The following ZPR1 variants were observed in gnomAD, a reference collection of about 807,000 sequenced individuals.
The protein encoded by ZPR1 is ZPR1 zinc finger, also known as zinc finger protein ZPR1.
A neutral mutation model predicts 59.6 loss-of-function variants in ZPR1; 37 were observed. That is an observed-to-expected ratio of 0.62 (90% CI 0.48 to 0.82). ZPR1 has a LOEUF of 0.82. ZPR1 is among the 40% of genes least tolerant of loss of function. The probability of loss-of-function intolerance (pLI) is 0.00; values close to 1 mark genes in which losing one functional copy is unlikely to be tolerated. For synonymous variants in ZPR1, 191 were observed against 215.2 expected, an observed-to-expected ratio of 0.89 and a Z score of 0.99; for missense variants, 527 against 579.9, an observed-to-expected ratio of 0.91 and a Z score of 0.94.
Position 116,785,816 on chromosome 11 carries a change from C to T in ZPR1, c.562G>A (p.Val188Ile), listed in dbSNP as rs1565322230. 6.2e-7 allele frequency: 1 copy of T among 1,614,238 alleles called. No homozygotes were observed. The highest frequency in any genetic ancestry group is 1.7e-5 in the Admixed American group (1 of 60,024). Reference protein sequence around the residue: ...FIVKLKELKQVASPFTLIIDD... With the variant: ...FIVKLKELKQIASPFTLIIDD... ...CTCACCAGAGTGAAAGGGGAGGCTA[C>T]TTGCTTTAGCTCCTTCAGTTTGACA... Residue 188 changes from valine to isoleucine, a missense_variant, in exon 5 of 14, where the codon GTA becomes ATA. Physicochemically the swap from Val to Ile is conservative, Grantham distance 29. Transcript: ENST00000227322.
intron 10 of ZPR1, 66 bp from the exon 11 acceptor site, chr11:116,783,095 G>T: frequency 1.7e-6 from 2 of 1,206,660 alleles, no homozygotes; most frequent in Non-Finnish European, 1.2e-6. Flanking sequence ...GAGGCCTCCT[G>T]CCCAATTAAT....
At position 116,775,829 on chromosome 11, in the gene ZPR1, T is replaced by G. The variant is rs1182668019; in HGVS notation, c.*3096A>C. 1.2e-5 allele frequency: 2 copies of G among 165,186 alleles called. No homozygotes were observed. The highest frequency in any genetic ancestry group is 2.9e-5 in the Non-Finnish European group (2 of 68,094). The allele number at this position is 165,186 out of a possible 1,614,324, so 10.2% of individuals were successfully genotyped here. ...CGCACAAAATAAGCAGCTTTTTCTC[T>G]CCACAGTTGGAAACACTGCCATTTG... On this transcript the variant is annotated 3_prime_UTR_variant, in exon 14 of 14. Transcript: ENST00000227322.
rs924708568 is a variant in ZPR1, at chr11:116,778,730, G to C, written c.*195C>G. On this transcript the variant is annotated 3_prime_UTR_variant, in exon 14 of 14. Transcript: ENST00000227322. ...TTCAAAACTTCCAAAATAAGGTCAAGTAACACAATAGGCTCACACTTGCAT... is the reference window on the plus strand; with the variant it reads ...TTCAAAACTTCCAAAATAAGGTCAACTAACACAATAGGCTCACACTTGCAT... 2.9e-6 allele frequency: 2 copies of C among 689,792 alleles called. No individual in the cohort carries two copies. Among genetic ancestry groups the C allele is most frequent in the Admixed American group, 3.4e-5 (1 of 29,242 alleles). The allele number at this position is 689,792 out of a possible 1,614,324, so 42.7% of individuals were successfully genotyped here. A position where few individuals can be genotyped will look rare whatever the true frequency, so the allele number is the denominator to read the frequency against.
chr11:116,774,603 T>C lies in ZPR1; in HGVS notation c.*4322A>G, dbSNP rs1376167506. 1 of 152,128 alleles carries C rather than the reference T, an allele frequency of 6.6e-6. No individual in the cohort carries two copies. Among genetic ancestry groups the C allele is most frequent in the Non-Finnish European group, 1.5e-5 (1 of 68,036 alleles). 9.4% of individuals were successfully genotyped at this position (152,128 alleles called of 1,614,324 possible). A position where few individuals can be genotyped will look rare whatever the true frequency, so the allele number is the denominator to read the frequency against. ...TTGGGGATCAGTCTTGAAGCATGAA[T>C]TTTTACCCAGTGGGCCATGTTGAGG... is the stretch of plus-strand genomic sequence containing the variant. On this transcript the variant is annotated 3_prime_UTR_variant, in exon 14 of 14. Transcript: ENST00000227322.
chr11:116,776,441 C>T lies in ZPR1; in HGVS notation c.*2484G>A, dbSNP rs1438966255. On this transcript the variant is annotated 3_prime_UTR_variant, in exon 14 of 14. Coordinates refer to ENST00000227322, the MANE Select transcript of ZPR1 (RefSeq NM_003904.5). Reference sequence around the variant, plus strand: ...TTAACAGATTTTATTAACCATGTGTCATATGCTGGGTGCTGTGGAGCAAGA... The same window carrying T: ...TTAACAGATTTTATTAACCATGTGTTATATGCTGGGTGCTGTGGAGCAAGA... 1 of 152,204 alleles carries T rather than the reference C, an allele frequency of 6.6e-6. No individual in the cohort carries two copies. Among genetic ancestry groups the T allele is most frequent in the Non-Finnish European group, 1.5e-5 (1 of 68,046 alleles). The allele number at this position is 152,204 out of a possible 1,614,324, so 9.4% of individuals were successfully genotyped here.
At position 116,778,827 on chromosome 11, in the gene ZPR1, T is replaced by G; in HGVS notation, c.*98A>C. 6.8e-7 allele frequency: 1 copy of G among 1,476,406 alleles called. No homozygotes were observed. Among genetic ancestry groups the G allele is most frequent in the Non-Finnish European group, 9.1e-7 (1 of 1,102,130 alleles). 91.5% of individuals were successfully genotyped at this position (1,476,406 alleles called of 1,614,324 possible). On this transcript the variant is annotated 3_prime_UTR_variant, in exon 14 of 14. Transcript: ENST00000227322. ...TGTCCTCCCCACCATGGGCAAGGGC[T>G]GGTGGGAAAGACACTCCCAGCCTTC... is the stretch of plus-strand genomic sequence containing the variant.
In ZPR1 at chr11:116,778,738, A is replaced by C. The variant is rs1057485993; in HGVS notation, c.*187T>G. ...TTCCAAAATAAGGTCAAGTAACACA[A>C]TAGGCTCACACTTGCATCACAAGCT... On this transcript the variant is annotated 3_prime_UTR_variant, in exon 14 of 14. Transcript: ENST00000227322. The C allele has an allele frequency of 1.4e-6, 1 of 735,904 alleles. No individual in the cohort carries two copies. The highest frequency in any genetic ancestry group is 3.3e-5 in the Admixed American group (1 of 30,458). The allele number at this position is 735,904 out of a possible 1,614,324, so 45.6% of individuals were successfully genotyped here. A position where few individuals can be genotyped will look rare whatever the true frequency, so the allele number is the denominator to read the frequency against.
In ZPR1 at chr11:116,787,595, T is replaced by A; in HGVS notation, c.220A>T (p.Ile74Leu). 1 of 1,614,162 alleles carries A rather than the reference T, an allele frequency of 6.2e-7. No homozygotes were observed. Among genetic ancestry groups the A allele is most frequent in the Non-Finnish European group, 8.5e-7 (1 of 1,179,980 alleles). Residue 74 changes from isoleucine to leucine, a missense_variant, in exon 2 of 14, where the codon ATA (isoleucine) becomes TTA (leucine). Ile to Leu is a conservative substitution (Grantham distance 5). Coordinates refer to ENST00000227322, the MANE Select transcript of ZPR1 (RefSeq NM_003904.5). ...LTKIPFFREIIVSSFSCEHCG... is the reference protein window; with the variant it reads ...LTKIPFFREILVSSFSCEHCG... ...TGCTCGCAGGAAAAGGAGCTCACTA[T>A]TATTTCTCTGAAGAAGGGAATCTTG...
intron 9 of ZPR1, among the ~76,000 whole-genome samples, 167 bp from the exon 10 acceptor site, chr11:116,783,786 G>A (rs1455491991): frequency 1.3e-5 from 2 of 150,966 alleles, no homozygotes; most frequent in Non-Finnish European, 2.9e-5. Flanking sequence ...ACCAAGAGCT[G>A]GCCAGGAACA....
chr11:116,783,397 G>C, intron 10 of ZPR1, 133 bp downstream of exon 10: 2 of 730,094 alleles, frequency 2.7e-6, no homozygotes, highest in Non-Finnish European at 4.7e-6. Flanking sequence ...CTCTGCTCAG[G>C]GGTCCTCAAA....
intron 13 of ZPR1, 100 bp from the exon 14 acceptor site, chr11:116,779,159 GT>G: frequency 3.3e-6 from 5 of 1,519,722 alleles, no homozygotes; most frequent in Non-Finnish European, 1.8e-6. Context: ...TGAGTTTTGG[GT>G]TTTTTTCTTT....
chr11:116,783,563 T>A lies in ZPR1; in HGVS notation c.948A>T (p.Thr316=). The A allele has an allele frequency of 6.2e-7, 1 of 1,614,182 alleles. No individual in the cohort carries two copies. The highest frequency in any genetic ancestry group is 8.5e-7 in the Non-Finnish European group (1 of 1,180,020). The change falls in exon 10 of 14, where the codon ACA becomes ACT. Residue 316 remains threonine, a synonymous_variant. Coordinates refer to ENST00000227322, the MANE Select transcript of ZPR1 (RefSeq NM_003904.5). The stretch of plus-strand genomic sequence containing the variant: ...GGTCTCTGGTCATATCTGAGGCATC[T>A]GTGATGTGGAGGGTGATCCTGGTGC... ...PLGTRITLHI[T]DASDMTRDLL...
chr11:116,785,774 A>C, intron 5 of ZPR1, 22 bp downstream of exon 5: 2 of 1,613,444 alleles, frequency 1.2e-6, no homozygotes, highest in Non-Finnish European at 1.7e-6. Flanking sequence ...ATCAAGGGCA[A>C]CTCCAGCCTC....
intron 11 of ZPR1, among the ~76,000 whole-genome samples, 160 bp from the exon 12 acceptor site, chr11:116,782,404 T>C (rs1941940196): frequency 6.6e-6 from 1 of 152,006 alleles, no homozygotes; most frequent in Non-Finnish European, 1.5e-5. Flanking sequence ...CTCCTAGGAG[T>C]CTATGGGATA....
Position 116,780,983 on chromosome 11 carries a change from A to C in ZPR1, c.1180-1146T>G, listed in dbSNP as rs151010697. ...AAATAATAATCCTCAAGAAGAAAAA[A>C]TACTACATCCTTAAGACAGGATGCT... On this transcript the variant is annotated intron_variant, in intron 12 of 13. Coordinates refer to ENST00000227322, the MANE Select transcript of ZPR1 (RefSeq NM_003904.5). 2.3e-3 allele frequency among the ~76,000 whole-genome samples: 354 copies of C among 152,356 alleles called. 3 individuals carry two copies. The highest frequency in any genetic ancestry group is 8.1e-3 in the African/African-American group (335 of 41,590).
In ZPR1 at chr11:116,778,801, A is replaced by G; in HGVS notation, c.*124T>C. The G allele has an allele frequency of 8.1e-7, 1 of 1,238,002 alleles. No individual in the cohort carries two copies. The highest frequency in any genetic ancestry group is 1.1e-6 in the Non-Finnish European group (1 of 904,692). 76.7% of individuals were successfully genotyped at this position (1,238,002 alleles called of 1,614,324 possible). On this transcript the variant is annotated 3_prime_UTR_variant, in exon 14 of 14. Transcript: ENST00000227322. ...TGCACAGATCTCTGACTCAGACCAG[A>G]TGTCCTCCCCACCATGGGCAAGGGC... is the stretch of plus-strand genomic sequence containing the variant.
At position 116,778,849 on chromosome 11, in the gene ZPR1, C is replaced by CAA; in HGVS notation, c.*75_*76insTT. ...GGCTGGTGGGAAAGACACTCCCAGC[C>CAA]TTCGCCTTCATCCAATACTAATAAA... On this transcript the variant is annotated 3_prime_UTR_variant, in exon 14 of 14. Coordinates refer to ENST00000227322, the MANE Select transcript of ZPR1 (RefSeq NM_003904.5). 6.5e-7 allele frequency: 1 copy of CAA among 1,547,540 alleles called. No individual in the cohort carries two copies.
In ZPR1 at chr11:116,787,547, T is replaced by C. The variant is rs560662237; in HGVS notation, c.268A>G (p.Ile90Val). The change falls in exon 2 of 14, where the codon ATC becomes GTC. Residue 90 changes from isoleucine (I) to valine (V), a missense_variant. By Grantham distance (29) the Ile-to-Val change is conservative. Coordinates refer to ENST00000227322, the MANE Select transcript of ZPR1 (RefSeq NM_003904.5). Reference sequence around the variant, plus strand: ...TCCTGGATCCTGCCTGCCGACTGGATCTCCGTGTTGTTCCAGCCACAGTGC... The same window carrying C: ...TCCTGGATCCTGCCTGCCGACTGGACCTCCGTGTTGTTCCAGCCACAGTGC... ...CEHCGWNNTE[I>V]QSAGRIQDQG... 22 of 1,614,210 alleles carry C rather than the reference T, an allele frequency of 1.4e-5. No individual in the cohort carries two copies. In the African/African-American group the frequency reaches 2.4e-4, roughly 18 times the overall value.
Position 116,783,617 on chromosome 11 carries a change from C to T in ZPR1, c.894G>A (p.Val298=), listed in dbSNP as rs759125935. Residue 298 remains valine, a splice_region_variant and synonymous_variant, in exon 10 of 14, where the codon GTG becomes GTA. Transcript: ENST00000227322. ...AGGGTTCTACTGCTCCTCCAGATTT[C>T]ACCTGCATCGATAACAGTCAGGAGC... is the stretch of plus-strand genomic sequence containing the variant. ...CENCGHRTNE[V]KSGGAVEPLG... 1.9e-6 allele frequency: 3 copies of T among 1,613,874 alleles called. No individual in the cohort carries two copies. The highest frequency in any genetic ancestry group is 1.1e-5 in the South Asian group (1 of 91,074).
Sources: allele counts gnomAD v4.1 joint callset (sites outside exome capture counted in the v4.1 genomes callset), GRCh38; gene constraint gnomAD v4.1.1; transcripts MANE v1.5; gene names NCBI Gene and HGNC (gene_info 2026-07-23, HGNC 2026-07-21).